The following SARNP variants were observed in gnomAD, a reference collection of about 807,000 sequenced individuals.
SARNP encodes the protein SAP domain containing ribonucleoprotein.
In SARNP, 5 loss-of-function variants were observed where a neutral mutation model predicts 38.1. That is an observed-to-expected ratio of 0.13 (90% CI 0.07 to 0.28). The LOEUF (loss-of-function observed/expected upper bound fraction) is 0.28. Ranked by LOEUF, SARNP falls within the 10% of genes least tolerant of loss-of-function variation. The probability of loss-of-function intolerance (pLI) is 1.00; values close to 1 mark genes in which losing one functional copy is unlikely to be tolerated. For synonymous variants in SARNP, 84 were observed against 80.6 expected (o/e 1.04, Z -0.23); for missense variants, 180 against 243.9 (o/e 0.74, Z 1.75).
intron 9 of SARNP, among the ~76,000 whole-genome samples, chr12:55,773,704 T>A (rs1879077682): frequency 6.6e-6 from 1 of 151,904 alleles, no homozygotes; most frequent in Non-Finnish European, 1.5e-5. Flanking sequence ...AAAAGGAAAA[T>A]GGGATTTCTT....
rs772259 is a variant in SARNP at position 55,784,371 on chromosome 12, C to T, written c.501+4704G>A. ...ACCTCTGCCAACCAACCAAACGCTA[C>T]GTAGCAACTCATTCTAGTGATAAAT... On this transcript the variant is annotated intron_variant, in intron 9 of 10. Transcript: ENST00000336133. Among the ~76,000 whole-genome samples the T allele has an allele frequency of 6.4e-3, 971 of 152,222 alleles. 5 individuals are homozygous for T. Among genetic ancestry groups the T allele is most frequent in the Non-Finnish European group, 7.2e-3 (491 of 68,016 alleles).
chr12:55,804,033 G>A (rs1185695433), intron 1 of SARNP, among the ~76,000 whole-genome samples: 1 of 152,110 alleles, frequency 6.6e-6, no homozygotes, highest in Non-Finnish European at 1.5e-5. Flanking sequence ...TCTGAGGGGG[G>A]AAAAAGGTTT....
chr12:55,764,645 G>C (rs1878772983), intron 9 of SARNP, among the ~76,000 whole-genome samples: 1 of 151,216 alleles, frequency 6.6e-6, no homozygotes. Context: ...GACTATCCTG[G>C]CCAACATGGT....
chr12:55,807,813 CAAAAA>C (rs57965695), intron 1 of SARNP, among the ~76,000 whole-genome samples: 1 of 89,680 alleles, frequency 1.1e-5, no homozygotes. Flanking sequence ...GACTTTGTCT[CAAAAA>C]AAAAAAAAAA....
intron 9 of SARNP, among the ~76,000 whole-genome samples, chr12:55,767,995 A>C (rs1344960409): frequency 6.6e-6 from 1 of 152,198 alleles, no homozygotes; most frequent in Admixed American, 6.5e-5. Flanking sequence ...CTTCAAGGAA[A>C]ATGAGTATAT....
chr12:55,787,913 T>C (rs2136193385), intron 9 of SARNP, among the ~76,000 whole-genome samples: 1 of 152,156 alleles, frequency 6.6e-6, no homozygotes, highest in East Asian at 1.9e-4. Context: ...CACACCCAGC[T>C]AATTTTTTTG....
At chr12:55,781,058 C>A (rs1350622441) in intron 9 of SARNP, among the ~76,000 whole-genome samples, 1 of 151,822 alleles carries the variant, frequency 6.6e-6, no homozygotes, top group East Asian at 1.9e-4. Flanking sequence ...AGTGAAGGAA[C>A]AAACAAATAT....
At position 55,769,108 on chromosome 12, in the gene SARNP, G is replaced by T. The variant is rs564873945; in HGVS notation, c.502-8468C>A. On this transcript the variant is annotated intron_variant, in intron 9 of 10. Coordinates refer to ENST00000336133, the MANE Select transcript of SARNP (RefSeq NM_033082.4). ...TAATAATTAACGACTAACAATAAAA[G>T]ATATCTATTTAAGGTAATATATGAG... Among the ~76,000 whole-genome samples, 3 of 152,292 alleles carry T rather than the reference G, an allele frequency of 2.0e-5. No homozygotes were observed. The South Asian group carries it at 6.2e-4, about 32-fold the overall frequency.
At chr12:55,815,275 G>A (rs1880448670) in intron 1 of SARNP, among the ~76,000 whole-genome samples, 1 of 152,028 alleles carries the variant, frequency 6.6e-6, no homozygotes, top group Admixed American at 6.6e-5. Context: ...ACCTAAGCTG[G>A]TCTCAAACTC....
Position 55,803,736 on chromosome 12 carries a change from GA to G in SARNP, c.37-9del. On this transcript the variant is annotated splice_polypyrimidine_tract_variant and intron_variant, in intron 1 of 10. Transcript: ENST00000336133. ...TTGCTTTAGTTCGGCAAGCTGAGGG[GA>G]AAAAAATAAAACTTTTCCTTAGTTA... 1.9e-6 allele frequency: 3 copies of G among 1,603,928 alleles called. No homozygotes were observed. Among genetic ancestry groups the G allele is most frequent in the Non-Finnish European group, 2.6e-6 (3 of 1,172,904 alleles).
intron 1 of SARNP, among the ~76,000 whole-genome samples, chr12:55,809,033 C>G (rs1880244019): frequency 6.6e-6 from 1 of 151,960 alleles, no homozygotes; most frequent in African/African-American, 2.4e-5. Flanking sequence ...ATGTTGAAAT[C>G]CCATCTCTAC....
At chr12:55,814,906 A>G (rs1212345929) in intron 1 of SARNP, among the ~76,000 whole-genome samples, 2 of 151,890 alleles carry the variant, frequency 1.3e-5, no homozygotes, top group Non-Finnish European at 2.9e-5. Flanking sequence ...CTGCATTTCT[A>G]CAAAATCCTC....
At chr12:55,773,252 A>G (rs746093010) in intron 9 of SARNP, among the ~76,000 whole-genome samples, 1 of 152,244 alleles carries the variant, frequency 6.6e-6, no homozygotes, top group Non-Finnish European at 1.5e-5. Context: ...TAACCCTTAC[A>G]TGCAACCATT....
intron 9 of SARNP, among the ~76,000 whole-genome samples, chr12:55,765,828 T>C (rs555153734): frequency 9.9e-5 from 15 of 152,172 alleles, no homozygotes; most frequent in Admixed American, 7.9e-4. Flanking sequence ...TTAAAGCCTC[T>C]TTCCTCCTTT....
intron 4 of SARNP, among the ~76,000 whole-genome samples, chr12:55,798,095 C>G (rs187372065): frequency 9.9e-4 from 150 of 152,250 alleles, no homozygotes; most frequent in Non-Finnish European, 1.8e-3. Context: ...TATTTTAAAG[C>G]TATCTCACAA....
intron 9 of SARNP, among the ~76,000 whole-genome samples, chr12:55,786,758 G>T (rs1433069158): frequency 2.0e-5 from 3 of 152,006 alleles, no homozygotes; most frequent in African/African-American, 7.2e-5. Flanking sequence ...CGTGACCTTT[G>T]GTTTGTAACA....
chr12:55,799,265 A>C (rs1315763012), intron 4 of SARNP, among the ~76,000 whole-genome samples: 2 of 152,222 alleles, frequency 1.3e-5, no homozygotes, highest in African/African-American at 2.4e-5. Flanking sequence ...AATTAAATGC[A>C]CTAACACAAC....
chr12:55,757,564 GA>G lies in SARNP; in HGVS notation c.592-12del. On this transcript the variant is annotated splice_polypyrimidine_tract_variant and intron_variant, in intron 10 of 10. Coordinates refer to ENST00000336133, the MANE Select transcript of SARNP (RefSeq NM_033082.4). The stretch of plus-strand genomic sequence containing the variant: ...TTTCCTCTTCTTTGCCTGTAAAGAA[GA>G]AGCAAGAAGAAAAAAATTAGACTGA... 6.2e-7 allele frequency: 1 copy of G among 1,604,268 alleles called. No homozygotes were observed. The highest frequency in any genetic ancestry group is 8.5e-7 in the Non-Finnish European group (1 of 1,177,286).
chr12:55,781,583 G>C (rs1280351893), intron 9 of SARNP, among the ~76,000 whole-genome samples: 2 of 151,760 alleles, frequency 1.3e-5, no homozygotes, highest in East Asian at 3.9e-4. Flanking sequence ...AAATAACAAG[G>C]CAGGTCCAAT....
Sources: gnomAD v4.1 joint callset for allele counts (sites outside exome capture counted in the v4.1 genomes callset) on GRCh38, gnomAD v4.1.1 for gene constraint, MANE v1.5 for transcripts, NCBI Gene and HGNC (gene_info 2026-07-23, HGNC 2026-07-21) for gene names.